UBR2: variants seen among roughly 807,000 people sequenced by gnomAD.
The protein encoded by UBR2 is ubiquitin protein ligase E3 component n-recognin 2.
A neutral mutation model predicts 247.9 loss-of-function variants in UBR2; 92 were observed. That is an observed-to-expected ratio of 0.37 (90% CI 0.31 to 0.44). The LOEUF (loss-of-function observed/expected upper bound fraction) is 0.44, where lower values mean the gene tolerates loss of function less well. Among genes scored for constraint, UBR2 ranks in the 20% least tolerant of loss-of-function variants. The pLI is 1.00. For synonymous variants in UBR2, 672 were observed against 693.5 expected (o/e 0.97, Z 0.49); for missense variants, 1,613 against 2,112.6 (o/e 0.76, Z 4.64).
Position 42,632,848 on chromosome 6 carries a change from A to C in UBR2, c.1489A>C (p.Arg497=), listed in dbSNP as rs756968875. 1 of 1,606,870 alleles carries C rather than the reference A, an allele frequency of 6.2e-7. No individual in the cohort carries two copies. The highest frequency in any genetic ancestry group is 8.5e-7 in the Non-Finnish European group (1 of 1,177,724). The change falls in exon 13 of 47, where the codon AGG becomes CGG. Residue 497 remains arginine, a synonymous_variant. Transcript: ENST00000372901. ...SKPTEWSDEL[R]QKFLEGFDAF... is the part of the protein sequence containing the mutation. ...ACCAACTGAATGGTCAGATGAGCTG[A>C]GGCAGAAGTTCCTAGAAGGGTTTGA...
intron 36 of UBR2, 113 bp from the exon 37 acceptor site, chr6:42,673,678 C>A: frequency 1.5e-6 from 1 of 669,526 alleles, no homozygotes; most frequent in Non-Finnish European, 2.6e-6. Flanking sequence ...AGATCTAGTT[C>A]CATACCATCT....
At chr6:42,613,553 T>G (rs1582532446) in intron 8 of UBR2, among the ~76,000 whole-genome samples, 1 of 152,248 alleles carries the variant, frequency 6.6e-6, no homozygotes, top group Admixed American at 6.5e-5. Context: ...GGAGACCCCA[T>G]CTCTATCTAA....
intron 5 of UBR2, among the ~76,000 whole-genome samples, chr6:42,604,096 G>A (rs536687174): frequency 6.6e-6 from 1 of 152,046 alleles, no homozygotes; most frequent in Non-Finnish European, 1.5e-5. Context: ...TGAGGTTTCT[G>A]GTTTGAATAC....
chr6:42,652,912 T>C (rs781256851), intron 25 of UBR2, among the ~76,000 whole-genome samples: 5 of 152,242 alleles, frequency 3.3e-5, no homozygotes, highest in African/African-American at 7.2e-5. Flanking sequence ...TATTCTGATA[T>C]TGATATAATG....
At position 42,644,211 on chromosome 6, in the gene UBR2, A is replaced by G; in HGVS notation, c.2098-3A>G. 6.3e-7 allele frequency: 1 copy of G among 1,579,832 alleles called. No homozygotes were observed. ...TATCTCAAACATTAAAAAAAAAAAA[A>G]AGACAGGTGTCTCCATGATGGATCC... On this transcript the variant is annotated splice_polypyrimidine_tract_variant and splice_region_variant and intron_variant, in intron 18 of 46. Transcript: ENST00000372901.
intron 40 of UBR2, among the ~76,000 whole-genome samples, chr6:42,678,314 C>T (rs897442097): frequency 3.3e-5 from 5 of 151,084 alleles, no homozygotes; most frequent in East Asian, 1.9e-4. Flanking sequence ...CCAGCCTGGG[C>T]GACAGAGCGA....
intron 16 of UBR2, among the ~76,000 whole-genome samples, chr6:42,641,061 A>G (rs13197446): frequency 6.6e-6 from 1 of 152,162 alleles, no homozygotes; most frequent in African/African-American, 2.4e-5. Context: ...CATGTGTAAA[A>G]AATACCTTCA....
intron 30 of UBR2, among the ~76,000 whole-genome samples, chr6:42,660,505 G>A (rs1797734636): frequency 6.6e-6 from 1 of 152,116 alleles, no homozygotes; most frequent in Non-Finnish European, 1.5e-5. Context: ...CTTCTTGAGA[G>A]TAGGAACTGT....
chr6:42,665,637 T>C (rs954466586), intron 33 of UBR2, 125 bp downstream of exon 33: 27 of 723,280 alleles, frequency 3.7e-5, no homozygotes, highest in African/African-American at 3.4e-4. Flanking sequence ...CTAATTTTCC[T>C]TGTCTTAATA....
At chr6:42,614,400 A>ATACGTATGTATG (rs1219169722) in intron 8 of UBR2, among the ~76,000 whole-genome samples, 2 of 70,612 alleles carry the variant, frequency 2.8e-5, no homozygotes, top group African/African-American at 9.8e-5. Context: ...ACGTACATAC[A>ATACGTATGTATG]TACGTATGTA....
chr6:42,636,590 C>G (rs1041223316), intron 14 of UBR2, among the ~76,000 whole-genome samples: 33 of 152,002 alleles, frequency 2.2e-4, no homozygotes, highest in African/African-American at 8.0e-4. Context: ...TGACATGATT[C>G]AATTTACATG....
Position 42,660,807 on chromosome 6 carries a change from CA to C in UBR2, c.3442+962del, listed in dbSNP as rs1323816878. ...CGAAACCCCATCTCTACTAATAGTA[CA>C]AAAAAAAAACTAGCCAAATTTGGTG... On this transcript the variant is annotated intron_variant, in intron 30 of 46. Coordinates refer to ENST00000372901, the MANE Select transcript of UBR2 (RefSeq NM_001363705.2). 6.2e-4 allele frequency among the ~76,000 whole-genome samples: 89 copies of C among 142,696 alleles called. 2 individuals are homozygous for C. In the East Asian group the frequency reaches 0.016, roughly 26 times the overall value. 93.6% of individuals were successfully genotyped at this position (142,696 alleles called of 152,430 possible).
intron 11 of UBR2, among the ~76,000 whole-genome samples, chr6:42,618,832 G>A (rs1158208527): frequency 3.3e-5 from 5 of 152,218 alleles, no homozygotes; most frequent in Non-Finnish European, 5.9e-5. Context: ...GGCCAAGTGG[G>A]TTTGAGGGTT....
chr6:42,598,856 A>G (rs548486269), intron 4 of UBR2, among the ~76,000 whole-genome samples: 1 of 152,120 alleles, frequency 6.6e-6, no homozygotes, highest in African/African-American at 2.4e-5. Context: ...TGTTACCTTG[A>G]CTATGGTTTA....
At chr6:42,588,292 T>C (rs1792425202) in intron 2 of UBR2, among the ~76,000 whole-genome samples, 1 of 152,218 alleles carries the variant, frequency 6.6e-6, no homozygotes, top group South Asian at 2.1e-4. Flanking sequence ...GGAGCTTCCA[T>C]GCCCTCTCTG....
chr6:42,638,831 G>A (rs1796264870), intron 15 of UBR2, among the ~76,000 whole-genome samples: 1 of 151,520 alleles, frequency 6.6e-6, no homozygotes, highest in Non-Finnish European at 1.5e-5. Context: ...TTAAAAATCA[G>A]AGTGAGACTC....
intron 1 of UBR2, among the ~76,000 whole-genome samples, chr6:42,567,348 A>G (rs911472401): frequency 3.3e-5 from 5 of 152,092 alleles, no homozygotes; most frequent in African/African-American, 1.2e-4. Flanking sequence ...AATTGACTCC[A>G]TAAGTATGAC....
chr6:42,614,268 A>G (rs1490547050), intron 8 of UBR2, among the ~76,000 whole-genome samples: 1 of 145,890 alleles, frequency 6.9e-6, no homozygotes, highest in African/African-American at 2.5e-5. Flanking sequence ...ATATACACAC[A>G]CACGTACATA....
At chr6:42,611,675 G>A (rs1794095433) in intron 7 of UBR2, among the ~76,000 whole-genome samples, 1 of 152,022 alleles carries the variant, frequency 6.6e-6, no homozygotes, top group African/African-American at 2.4e-5. Flanking sequence ...GGAGACTGAG[G>A]CAGGTGGATC....
Sources: gnomAD v4.1 joint callset for allele counts (sites outside exome capture counted in the v4.1 genomes callset) on GRCh38, gnomAD v4.1.1 for gene constraint, MANE v1.5 for transcripts, NCBI Gene and HGNC (gene_info 2026-07-23, HGNC 2026-07-21) for gene names.